Variants in TAOK3 observed in about 807,000 individuals in gnomAD.
TAOK3 encodes the protein TAO kinase 3.
TAOK3 carries 40 observed loss-of-function variants against 120.4 expected under a neutral mutation model. The observed-to-expected ratio is 0.33, with a 90% CI of 0.26 to 0.43. TAOK3 has a LOEUF of 0.43. Among genes scored for constraint, TAOK3 ranks in the 20% least tolerant of loss-of-function variants. The pLI is 1.00. For missense variants in TAOK3, 821 were observed against 1,112.1 expected (o/e 0.74, Z 3.72); for synonymous variants, 355 against 387.5 (o/e 0.92, Z 0.99).
intron 9 of TAOK3, among the ~76,000 whole-genome samples, chr12:118,225,916 A>C (rs1483491264): frequency 2.0e-5 from 3 of 152,182 alleles, no homozygotes; most frequent in Admixed American, 2.0e-4. Context: ...CTTTCAATGC[A>C]TTTTACCATG....
intron 1 of TAOK3, among the ~76,000 whole-genome samples, chr12:118,364,741 C>A (rs2045697296): frequency 2.0e-5 from 3 of 152,052 alleles, no homozygotes; most frequent in Non-Finnish European, 2.9e-5. Context: ...AATCCCCCTA[C>A]TAAAAATACA....
chr12:118,290,784 G>T (rs1010238434), intron 1 of TAOK3, among the ~76,000 whole-genome samples: 1 of 149,096 alleles, frequency 6.7e-6, no homozygotes, highest in Non-Finnish European at 1.5e-5. Flanking sequence ...CAGGCTGGAG[G>T]AATCCTATTT....
chr12:118,189,477 T>G (rs1448385593), intron 14 of TAOK3, among the ~76,000 whole-genome samples: 3 of 147,966 alleles, frequency 2.0e-5, no homozygotes, highest in African/African-American at 7.5e-5. Flanking sequence ...GGCTAGCAAC[T>G]TCATCTCAAA....
At chr12:118,162,815 GA>G (rs2035311073) in intron 17 of TAOK3, among the ~76,000 whole-genome samples, 1 of 152,102 alleles carries the variant, frequency 6.6e-6, no homozygotes, top group Non-Finnish European at 1.5e-5. Context: ...ATTGAAGGAG[GA>G]AAGGAAAGCA....
chr12:118,178,767 C>T (rs145234560), intron 15 of TAOK3, among the ~76,000 whole-genome samples: 3 of 152,270 alleles, frequency 2.0e-5, no homozygotes, highest in Admixed American at 6.5e-5. Flanking sequence ...TAGGCACCTG[C>T]TGCAATCCAC....
chr12:118,342,965 G>C (rs1284053492), intron 1 of TAOK3, among the ~76,000 whole-genome samples: 1 of 147,394 alleles, frequency 6.8e-6, no homozygotes, highest in African/African-American at 2.5e-5. Flanking sequence ...AAAAGAGAGA[G>C]AGAGAGAGAG....
intron 1 of TAOK3, among the ~76,000 whole-genome samples, chr12:118,277,749 G>A (rs1019596674): frequency 5.9e-5 from 9 of 151,966 alleles, no homozygotes; most frequent in South Asian, 2.1e-4. Context: ...ATGAGCCACC[G>A]TGCCTGGGCC....
At chr12:118,319,540 G>T (rs2043614026) in intron 1 of TAOK3, among the ~76,000 whole-genome samples, 1 of 151,980 alleles carries the variant, frequency 6.6e-6, no homozygotes, top group Non-Finnish European at 1.5e-5. Context: ...TATTGTCAAG[G>T]ACTTGAATAG....
At chr12:118,225,592 C>T (rs935908542) in intron 9 of TAOK3, among the ~76,000 whole-genome samples, 1 of 152,130 alleles carries the variant, frequency 6.6e-6, no homozygotes, top group Non-Finnish European at 1.5e-5. Context: ...TGACCATCTA[C>T]AATCACATTT....
In TAOK3 at chr12:118,152,553, T is replaced by C. The variant is rs995685652; in HGVS notation, c.2353-144A>G. The C allele has an allele frequency of 6.9e-6, 5 of 720,410 alleles. No individual in the cohort carries two copies. In the Admixed American group the frequency reaches 1.1e-4, roughly 16 times the overall value. 44.6% of individuals were successfully genotyped at this position (720,410 alleles called of 1,614,324 possible). On this transcript the variant is annotated intron_variant, in intron 19 of 20. Transcript: ENST00000392533. ...CAAAAACACAGATGCTCTGGGTACA[T>C]TCAGAGTTGGGAATCAAAAACAGTC...
intron 11 of TAOK3, among the ~76,000 whole-genome samples, chr12:118,204,789 G>A (rs2038207554): frequency 2.0e-5 from 3 of 152,168 alleles, no homozygotes; most frequent in Admixed American, 2.0e-4. Context: ...CGGAACTTTG[G>A]GAGGCCAAGG....
chr12:118,295,692 G>A (rs1244592028), intron 1 of TAOK3, among the ~76,000 whole-genome samples: 1 of 152,136 alleles, frequency 6.6e-6, no homozygotes, highest in Non-Finnish European at 1.5e-5. Flanking sequence ...AATACTGGAA[G>A]AAACCTCTAC....
intron 1 of TAOK3, among the ~76,000 whole-genome samples, chr12:118,277,035 A>G (rs1034511172): frequency 6.6e-6 from 1 of 152,224 alleles, no homozygotes; most frequent in African/African-American, 2.4e-5. Context: ...TAAACCTCTT[A>G]TGGCTTTTAT....
At chr12:118,228,046 A>G (rs1405931025) in intron 9 of TAOK3, among the ~76,000 whole-genome samples, 1 of 152,160 alleles carries the variant, frequency 6.6e-6, no homozygotes, top group African/African-American at 2.4e-5. Context: ...TCTTCTAAAA[A>G]AATAAGAAAG....
At chr12:118,226,069 G>A (rs887355463) in intron 9 of TAOK3, among the ~76,000 whole-genome samples, 3 of 152,142 alleles carry the variant, frequency 2.0e-5, no homozygotes, top group Admixed American at 6.5e-5. Context: ...GTAAAACTCC[G>A]TCTCTACTAA....
At chr12:118,362,622 G>A (rs1193070781) in intron 1 of TAOK3, among the ~76,000 whole-genome samples, 2 of 152,170 alleles carry the variant, frequency 1.3e-5, no homozygotes, top group African/African-American at 4.8e-5. Context: ...GAAGACCAGA[G>A]TGCTAAGCCT....
At chr12:118,269,167 T>TCTCTTTCTTCTCTCTC (rs2041592477) in intron 1 of TAOK3, among the ~76,000 whole-genome samples, 3 of 151,940 alleles carry the variant, frequency 2.0e-5, no homozygotes, top group African/African-American at 7.2e-5. Flanking sequence ...CTTTCTTTCT[T>TCTCTTTCTTCTCTCTC]TTTTTATTTT....
intron 14 of TAOK3, among the ~76,000 whole-genome samples, chr12:118,188,126 T>G (rs1056547698): frequency 6.6e-6 from 1 of 152,190 alleles, no homozygotes; most frequent in Non-Finnish European, 1.5e-5. Context: ...GGAAAGCCAC[T>G]TGGTATAATG....
At chr12:118,363,150 CT>C (rs1329425923) in intron 1 of TAOK3, among the ~76,000 whole-genome samples, 5 of 151,358 alleles carry the variant, frequency 3.3e-5, no homozygotes, top group African/African-American at 1.2e-4. Flanking sequence ...TCAAAGGCCA[CT>C]TTAGAGAATA....
Sources: allele counts gnomAD v4.1 joint callset (sites outside exome capture counted in the v4.1 genomes callset), GRCh38; gene constraint gnomAD v4.1.1; transcripts MANE v1.5; gene names NCBI Gene and HGNC (gene_info 2026-07-23, HGNC 2026-07-21).